UPF2: variants seen among roughly 807,000 people sequenced by gnomAD.
UPF2 encodes the protein UPF2 regulator of nonsense mediated mRNA decay.
A neutral mutation model predicts 141.4 loss-of-function variants in UPF2; 17 were observed. The observed-to-expected ratio is 0.12, with a 90% CI of 0.08 to 0.18. The LOEUF is 0.18. Among genes scored for constraint, UPF2 ranks in the 10% least tolerant of loss-of-function variants. UPF2 has a pLI of 1.00. For missense variants in UPF2, 1,152 were observed against 1,515.9 expected, an observed-to-expected ratio of 0.76 and a Z score of 3.99; for synonymous variants, 540 against 498.0, an observed-to-expected ratio of 1.08 and a Z score of -1.12.
rs537625845 is a variant in UPF2 at position 11,953,813 on chromosome 10, T to C, written c.2850+1419A>G. 2.6e-5 allele frequency among the ~76,000 whole-genome samples: 4 copies of C among 152,340 alleles called. No homozygotes were observed. Among genetic ancestry groups the C allele is most frequent in the South Asian group, 4.1e-4 (2 of 4,830 alleles). ...AAAGTAAGGGAGTAATAGGTTTCCC[T>C]CTACTGCAAAAGAATAGCGGTAGGA... is the stretch of plus-strand genomic sequence containing the variant. On this transcript the variant is annotated intron_variant, in intron 14 of 21. Transcript: ENST00000357604. The surrounding 1 kb of genome is among the most constrained non-coding windows in gnomAD (Gnocchi z 5.0).
chr10:12,005,529 A>T (rs576671558), intron 4 of UPF2, among the ~76,000 whole-genome samples: 1 of 152,310 alleles, frequency 6.6e-6, no homozygotes, highest in Non-Finnish European at 1.5e-5. Flanking sequence ...TCAGTCTCCA[A>T]GGCTTAATTT....
intron 10 of UPF2, among the ~76,000 whole-genome samples, chr10:11,965,759 T>G (rs1833309273): frequency 6.6e-6 from 1 of 152,092 alleles, no homozygotes; most frequent in Non-Finnish European, 1.5e-5. Context: ...ACGTCCGGCC[T>G]CTATTAGTAT....
chr10:12,042,879 C>T (rs1834765583), upstream of UPF2: 2 of 152,276 alleles, frequency 1.3e-5, no homozygotes, highest in East Asian at 1.9e-4. This position sits in a 1 kb window ranked among gnomAD's most constrained non-coding sequence, Gnocchi z 5.5. Context: ...TCCCCCTCCT[C>T]CCTCCGCCCG....
chr10:11,923,337 G>A (rs1354193946), intron 21 of UPF2: 1 of 152,124 alleles, frequency 6.6e-6, no homozygotes, highest in Non-Finnish European at 1.5e-5. Flanking sequence ...TTGAGGTCAG[G>A]AGTTTTGGAG....
At chr10:12,026,634 A>T (rs1834424261) in intron 3 of UPF2, 3 of 452,440 alleles carry the variant, frequency 6.6e-6, no homozygotes, top group Non-Finnish European at 1.3e-5. Context: ...GACCACTGAA[A>T]ATTCCTATAA....
intron 9 of UPF2, among the ~76,000 whole-genome samples, chr10:11,968,108 G>A (rs1833352836): frequency 6.6e-6 from 1 of 152,076 alleles, no homozygotes; most frequent in South Asian, 2.1e-4. Flanking sequence ...GAACCCCGGA[G>A]GCAGAGGTTG....
chr10:11,950,597 C>T (rs1833061518), intron 15 of UPF2, among the ~76,000 whole-genome samples: 1 of 152,214 alleles, frequency 6.6e-6, no homozygotes, highest in Non-Finnish European at 1.5e-5. Context: ...TCTTTTCTGT[C>T]ACTAAACTAG....
chr10:11,993,795 A>G (rs1170661681), intron 8 of UPF2, among the ~76,000 whole-genome samples: 1 of 151,992 alleles, frequency 6.6e-6, no homozygotes, highest in Non-Finnish European at 1.5e-5. Flanking sequence ...TCAATATAAC[A>G]AGACCTCGAC....
chr10:12,036,543 A>G (rs1834628086), intron 1 of UPF2, among the ~76,000 whole-genome samples: 1 of 152,228 alleles, frequency 6.6e-6, no homozygotes, highest in African/African-American at 2.4e-5. Context: ...ATTGGATAGC[A>G]TTGGCCTATA....
intron 8 of UPF2, among the ~76,000 whole-genome samples, chr10:11,996,656 T>C (rs936624220): frequency 2.6e-5 from 4 of 152,216 alleles, no homozygotes; most frequent in Non-Finnish European, 5.9e-5. Context: ...AAGTATGTAA[T>C]TTTACGTTAT....
intron 11 of UPF2, among the ~76,000 whole-genome samples, chr10:11,960,341 G>A (rs891980961): frequency 6.6e-6 from 1 of 152,026 alleles, no homozygotes; most frequent in Non-Finnish European, 1.5e-5. Context: ...GAGATCAGGA[G>A]TTTGAGACTA....
chr10:11,928,335 T>A (rs908966423), intron 21 of UPF2, among the ~76,000 whole-genome samples: 3 of 151,556 alleles, frequency 2.0e-5, no homozygotes, highest in African/African-American at 7.3e-5. Context: ...AGATTCGGTC[T>A]CAAAAAAAAG....
At position 11,939,819 on chromosome 10, in the gene UPF2, G is replaced by A. The variant is rs189090770; in HGVS notation, c.3378+2846C>T. Among the ~76,000 whole-genome samples the A allele has an allele frequency of 6.6e-6, 1 of 152,180 alleles. No individual in the cohort carries two copies. The highest frequency in any genetic ancestry group is 6.5e-5 in the Admixed American group (1 of 15,274). On this transcript the variant is annotated intron_variant, in intron 18 of 21. Transcript: ENST00000357604. The surrounding 1 kb of genome is among the most constrained non-coding windows in gnomAD (Gnocchi z 4.8). ...GGTGTGAGCCACAGTGCCCAGCCAT[G>A]TTTTCATATCTTGTAGAGCATTTCA...
At chr10:11,993,306 A>G (rs1833812149) in intron 8 of UPF2, among the ~76,000 whole-genome samples, 1 of 152,202 alleles carries the variant, frequency 6.6e-6, no homozygotes, top group African/African-American at 2.4e-5. Context: ...TATACAACAA[A>G]TAACACAACA....
At chr10:11,994,083 C>A (rs1345612345) in intron 8 of UPF2, among the ~76,000 whole-genome samples, 3 of 151,632 alleles carry the variant, frequency 2.0e-5, no homozygotes, top group Non-Finnish European at 4.4e-5. Context: ...ATGGAAGAAA[C>A]CCAAAAGAAG....
intron 9 of UPF2, among the ~76,000 whole-genome samples, chr10:11,974,055 G>A (rs1028784590): frequency 7.9e-5 from 12 of 151,936 alleles, no homozygotes; most frequent in African/African-American, 2.9e-4. Flanking sequence ...CTTTTATTTC[G>A]TTGAGCAGTG....
At chr10:11,944,653 T>C (rs1354999181) in intron 16 of UPF2, among the ~76,000 whole-genome samples, 1 of 152,226 alleles carries the variant, frequency 6.6e-6, no homozygotes. Context: ...TAAAAGACAC[T>C]TCCCATTCAT....
intron 5 of UPF2, among the ~76,000 whole-genome samples, chr10:12,002,202 T>C (rs1588562649): frequency 1.3e-5 from 2 of 151,858 alleles, no homozygotes; most frequent in African/African-American, 4.8e-5. Flanking sequence ...ACCCAGGAGG[T>C]GGAGACTGCA....
intron 9 of UPF2, among the ~76,000 whole-genome samples, chr10:11,974,386 T>C (rs950097092): frequency 4.6e-5 from 7 of 152,198 alleles, no homozygotes; most frequent in Admixed American, 1.3e-4. Flanking sequence ...TCCTGCCTGA[T>C]TGCCGTGGCC....
Sources: allele counts gnomAD v4.1 joint callset (sites outside exome capture counted in the v4.1 genomes callset), GRCh38; gene constraint gnomAD v4.1.1; non-coding constraint Gnocchi (gnomAD v3.1); transcripts MANE v1.5; gene names NCBI Gene and HGNC (gene_info 2026-07-23, HGNC 2026-07-21).